SRBD1: variants seen among roughly 807,000 people sequenced by gnomAD.
SRBD1 encodes S1 RNA-binding domain-containing protein 1.
Under a neutral mutation model 115.3 loss-of-function variants are expected in SRBD1, and 88 were observed. That is an observed-to-expected ratio of 0.76 (90% CI 0.64 to 0.91). The LOEUF is 0.91. Ranked by LOEUF, SRBD1 falls within the 40% of genes least tolerant of loss-of-function variation. The pLI, the probability that SRBD1 is intolerant of heterozygous loss-of-function variation, is 0.00. For synonymous variants in SRBD1, 509 were observed against 407.7 expected (o/e 1.25, Z -2.99); for missense variants, 1,385 against 1,177.4 (o/e 1.18, Z -2.58).
intron 14 of SRBD1, among the ~76,000 whole-genome samples, chr2:45,510,195 T>C (rs371644155): frequency 1.3e-5 from 2 of 152,212 alleles, no homozygotes; most frequent in African/African-American, 4.8e-5. Flanking sequence ...TTAACTTCAT[T>C]ATTTAAAAAT....
chr2:45,603,750 G>A lies in SRBD1; in HGVS notation c.80+1612C>T, dbSNP rs373125896. On this transcript the variant is annotated intron_variant, in intron 2 of 20. Coordinates refer to ENST00000263736, the MANE Select transcript of SRBD1 (RefSeq NM_018079.5). ...CACTATGATGGCCAGGCTAGACTCC[G>A]GACTCCTGGCCTCAAGTGATCAGCC... Among the ~76,000 whole-genome samples, 128 of 152,072 alleles carry A rather than the reference G, an allele frequency of 8.4e-4. 1 individual carries two copies. The highest frequency in any genetic ancestry group is 3.0e-3 in the African/African-American group (123 of 41,466).
intron 19 of SRBD1, among the ~76,000 whole-genome samples, chr2:45,406,409 T>C (rs1180849533): frequency 4.6e-5 from 7 of 152,174 alleles, no homozygotes. Flanking sequence ...CAAAGAACTA[T>C]TGAGGGAAAA....
At chr2:45,471,864 C>G (rs1669659306) in intron 16 of SRBD1, among the ~76,000 whole-genome samples, 1 of 151,902 alleles carries the variant, frequency 6.6e-6, no homozygotes, top group African/African-American at 2.4e-5. Context: ...AAAACAAAAC[C>G]TTAATAATAT....
intron 15 of SRBD1, among the ~76,000 whole-genome samples, chr2:45,477,624 ACT>A (rs1244193846): frequency 1.3e-5 from 2 of 152,100 alleles, no homozygotes; most frequent in East Asian, 3.9e-4. Context: ...ATCTCAGTTC[ACT>A]GCAGCTTTGA....
chr2:45,494,036 G>A (rs370655378), intron 14 of SRBD1, among the ~76,000 whole-genome samples: 20 of 151,960 alleles, frequency 1.3e-4, no homozygotes, highest in Middle Eastern at 6.8e-3. Flanking sequence ...AAATTAAACT[G>A]CACTATTTAT....
intron 7 of SRBD1, among the ~76,000 whole-genome samples, chr2:45,578,091 A>G (rs904934485): frequency 3.3e-5 from 5 of 152,206 alleles, no homozygotes; most frequent in Non-Finnish European, 7.3e-5. Context: ...AACTCAGTGT[A>G]TGAGAGAACT....
chr2:45,591,806 G>A (rs1317274550), intron 4 of SRBD1, among the ~76,000 whole-genome samples: 1 of 152,132 alleles, frequency 6.6e-6, no homozygotes, highest in Non-Finnish European at 1.5e-5. Context: ...ATTTCCTGAT[G>A]GTCCATACTT....
chr2:45,543,468 T>C (rs1558466723), intron 14 of SRBD1, among the ~76,000 whole-genome samples: 1 of 152,210 alleles, frequency 6.6e-6, no homozygotes, highest in Admixed American at 6.5e-5. Flanking sequence ...AATGTGCTGG[T>C]AGATATGGCT....
chr2:45,504,758 G>A (rs1350426540), intron 14 of SRBD1, among the ~76,000 whole-genome samples: 1 of 152,104 alleles, frequency 6.6e-6, no homozygotes, highest in East Asian at 1.9e-4. Flanking sequence ...GAAAAGGGAA[G>A]AGGAAGCGGC....
At chr2:45,552,648 G>A (rs886606228) in intron 11 of SRBD1, among the ~76,000 whole-genome samples, 73 of 152,154 alleles carry the variant, frequency 4.8e-4, no homozygotes, top group African/African-American at 1.7e-3. Context: ...TAAAGTGTAT[G>A]CCCTAGCTCT....
chr2:45,608,299 T>A (rs745673241), intron 1 of SRBD1, among the ~76,000 whole-genome samples: 1 of 152,060 alleles, frequency 6.6e-6, no homozygotes, highest in Admixed American at 6.6e-5. Flanking sequence ...AAAATATCAA[T>A]GTAAAAGGAA....
intron 14 of SRBD1, among the ~76,000 whole-genome samples, chr2:45,518,275 C>G (rs1220385229): frequency 6.6e-6 from 1 of 152,148 alleles, no homozygotes; most frequent in Admixed American, 6.5e-5. Context: ...TATGTGGAAA[C>G]CAGATATCTG....
At chr2:45,530,779 T>C (rs934895480) in intron 14 of SRBD1, among the ~76,000 whole-genome samples, 1 of 151,980 alleles carries the variant, frequency 6.6e-6, no homozygotes, top group Non-Finnish European at 1.5e-5. Flanking sequence ...GAACCATATA[T>C]GGTATATGGC....
At chr2:45,512,115 C>G (rs964842375) in intron 14 of SRBD1, among the ~76,000 whole-genome samples, 1 of 152,130 alleles carries the variant, frequency 6.6e-6, no homozygotes, top group Non-Finnish European at 1.5e-5. Flanking sequence ...GTATGCAGAC[C>G]AACATGCTTT....
At chr2:45,555,678 G>C (rs1017371084) in intron 10 of SRBD1, among the ~76,000 whole-genome samples, 2 of 151,958 alleles carry the variant, frequency 1.3e-5, no homozygotes, top group Admixed American at 1.3e-4. Flanking sequence ...ATTTTTAGTA[G>C]AGATGGGGTT....
At chr2:45,498,537 T>C (rs1425806824) in intron 14 of SRBD1, among the ~76,000 whole-genome samples, 1 of 152,198 alleles carries the variant, frequency 6.6e-6, no homozygotes, top group Non-Finnish European at 1.5e-5. Context: ...TCTATTTTTC[T>C]TCATGTTGAG....
At chr2:45,446,139 A>G (rs1439147227) in intron 16 of SRBD1, among the ~76,000 whole-genome samples, 4 of 152,204 alleles carry the variant, frequency 2.6e-5, no homozygotes, top group Non-Finnish European at 1.5e-5. Context: ...GTCAGAATAT[A>G]AAACAGTTGC....
At position 45,604,686 on chromosome 2, in the gene SRBD1, C is replaced by G. The variant is rs565120418; in HGVS notation, c.80+676G>C. On this transcript the variant is annotated intron_variant, in intron 2 of 20. Transcript: ENST00000263736. ...ATCTTTGCAAGCTGCACCCCCAAAT[C>G]TCATCTAGATCTCTTGCCACATCTT... Among the ~76,000 whole-genome samples, 329 of 152,300 alleles carry G rather than the reference C, an allele frequency of 2.2e-3. 1 individual carries two copies. Among genetic ancestry groups the G allele is most frequent in the Non-Finnish European group, 3.3e-3 (226 of 68,022 alleles).
rs1673080015 is a variant in SRBD1, at chr2:45,573,355, A to G, written c.1170-13T>C. On this transcript the variant is annotated splice_polypyrimidine_tract_variant and intron_variant, in intron 8 of 20. Transcript: ENST00000263736. ...TCTCTTCTGGCACCTGTTCAGATAC[A>G]CAAGTGTTCAAAAAACAAGCAGTTA... The G allele has an allele frequency of 6.3e-7, 1 of 1,594,996 alleles. No individual in the cohort carries two copies.
Sources: gnomAD v4.1 joint callset for allele counts (sites outside exome capture counted in the v4.1 genomes callset) on GRCh38, gnomAD v4.1.1 for gene constraint, MANE v1.5 for transcripts, NCBI Gene and HGNC (gene_info 2026-07-23, HGNC 2026-07-21) for gene names.